RIMS2: variants seen among roughly 807,000 people sequenced by gnomAD.
The protein encoded by RIMS2 is regulating synaptic membrane exocytosis 2.
A neutral mutation model predicts 174.4 loss-of-function variants in RIMS2; 59 were observed. The observed-to-expected ratio is 0.34, with a 90% confidence interval of 0.27 to 0.42. The LOEUF (loss-of-function observed/expected upper bound fraction) is 0.42. Among genes scored for constraint, RIMS2 ranks in the 10% least tolerant of loss-of-function variants. The pLI is 1.00. For missense variants in RIMS2, 1,620 were observed against 1,666.3 expected (o/e 0.97, Z 0.48); for synonymous variants, 606 against 572.5 (o/e 1.06, Z -0.84).
chr8:104,003,190 T>C (rs1018657102), intron 17 of RIMS2, among the ~76,000 whole-genome samples: 3 of 152,168 alleles, frequency 2.0e-5, no homozygotes, highest in African/African-American at 7.2e-5. Flanking sequence ...TTATGTAAAG[T>C]ATCATGGAAG....
chr8:103,793,335 G>C (rs2098518657), intron 3 of RIMS2, among the ~76,000 whole-genome samples: 1 of 152,072 alleles, frequency 6.6e-6, no homozygotes, highest in Admixed American at 6.5e-5. Flanking sequence ...AAAACCACAT[G>C]ATTATCTCAA....
At position 103,792,855 on chromosome 8, in the gene RIMS2, A is replaced by G. The variant is rs146773308; in HGVS notation, c.698+26318A>G. Among the ~76,000 whole-genome samples the G allele has an allele frequency of 1.2e-3, 177 of 152,320 alleles. 1 individual carries two copies. Among genetic ancestry groups the G allele is most frequent in the Non-Finnish European group, 6.2e-4 (42 of 68,034 alleles). On this transcript the variant is annotated intron_variant, in intron 3 of 23. Transcript: ENST00000504942. ...GAAAGAAATGGATAAATTCCTGGAC[A>G]CATACACCTTCCGAAGACTAAACCA...
intron 1 of RIMS2, among the ~76,000 whole-genome samples, chr8:103,504,103 C>G (rs1822062438): frequency 6.6e-6 from 1 of 151,954 alleles, no homozygotes; most frequent in South Asian, 2.1e-4. Context: ...TCATGTATTG[C>G]TGTAGCAGTT....
chr8:103,719,744 T>C (rs1463703848), intron 2 of RIMS2, among the ~76,000 whole-genome samples: 1 of 152,168 alleles, frequency 6.6e-6, no homozygotes, highest in Non-Finnish European at 1.5e-5. Context: ...CACTGTATGG[T>C]AAATTATTTT....
chr8:104,027,611 C>T (rs1489488662), intron 19 of RIMS2, among the ~76,000 whole-genome samples: 2 of 151,470 alleles, frequency 1.3e-5, no homozygotes, highest in Non-Finnish European at 2.9e-5. Context: ...GAAACTTTGC[C>T]TCAGGGCCTG....
chr8:103,590,214 T>G (rs944640473), intron 1 of RIMS2, among the ~76,000 whole-genome samples: 6 of 151,386 alleles, frequency 4.0e-5, no homozygotes, highest in Non-Finnish European at 5.9e-5. Context: ...ACACCTACTA[T>G]GTATCCACAA....
At chr8:103,617,553 A>G (rs899364331) in intron 1 of RIMS2, among the ~76,000 whole-genome samples, 3 of 152,210 alleles carry the variant, frequency 2.0e-5, no homozygotes, top group Non-Finnish European at 4.4e-5. Context: ...CAAAGAAACT[A>G]TCAACAGAGT....
At chr8:103,697,353 C>A in intron 2 of RIMS2, 57 bp downstream of exon 4, 1 of 1,274,908 alleles carries the variant, frequency 7.8e-7, no homozygotes, top group Non-Finnish European at 1.1e-6. Context: ...TTTATCTATT[C>A]ACGTTAGAGA....
intron 19 of RIMS2, among the ~76,000 whole-genome samples, 163 bp from the exon 22 acceptor site, chr8:104,041,163 T>C (rs1290496844): frequency 3.3e-5 from 5 of 151,674 alleles, no homozygotes; most frequent in African/African-American, 1.2e-4. Context: ...TACGTATTTT[T>C]TGTGGAATGC....
intron 1 of RIMS2, among the ~76,000 whole-genome samples, chr8:103,607,791 A>G (rs1192819724): frequency 7.4e-6 from 1 of 134,778 alleles, no homozygotes; most frequent in African/African-American, 3.0e-5. Flanking sequence ...AGTTGATCGC[A>G]TCGGCTCCTG....
chr8:103,525,425 C>T (rs993747774), intron 1 of RIMS2, among the ~76,000 whole-genome samples: 35 of 152,168 alleles, frequency 2.3e-4, no homozygotes, highest in African/African-American at 8.2e-4. Flanking sequence ...AATGGATGGC[C>T]TGTTCAATGT....
In RIMS2 at chr8:103,957,766, AG is replaced by A. The variant is rs554614482; in HGVS notation, c.2702-3298del. Among the ~76,000 whole-genome samples the A allele has an allele frequency of 7.0e-3, 1,067 of 152,350 alleles. 3 individuals carry two copies. The highest frequency in any genetic ancestry group is 0.012 in the Non-Finnish European group (834 of 68,034). The stretch of plus-strand genomic sequence containing the variant: ...GAACTTAAAGTGTAATAATAAAAAA[AG>A]AAGACATGCATGCGGCCAACAAGCA... On this transcript the variant is annotated intron_variant, in intron 14 of 23. Coordinates refer to ENST00000504942, the Ensembl canonical transcript of RIMS2.
At chr8:103,797,228 T>A (rs1564674958) in intron 3 of RIMS2, among the ~76,000 whole-genome samples, 1 of 152,176 alleles carries the variant, frequency 6.6e-6, no homozygotes, top group Non-Finnish European at 1.5e-5. Flanking sequence ...GAGCCCTTCC[T>A]GTATGTTTTT....
At chr8:103,946,376 C>A (rs1256046424) in intron 14 of RIMS2, among the ~76,000 whole-genome samples, 1 of 152,120 alleles carries the variant, frequency 6.6e-6, no homozygotes, top group African/African-American at 2.4e-5. Flanking sequence ...CCTGTAATCA[C>A]AGCTACTCAG....
chr8:104,154,679 G>C (rs972761351), intron 19 of RIMS2, among the ~76,000 whole-genome samples: 2 of 152,182 alleles, frequency 1.3e-5, no homozygotes, highest in Admixed American at 1.3e-4. Context: ...AACTTAAGTG[G>C]AGATCATTGG....
At chr8:103,746,426 A>C (rs987386012) in intron 2 of RIMS2, among the ~76,000 whole-genome samples, 3 of 152,110 alleles carry the variant, frequency 2.0e-5, no homozygotes, top group Non-Finnish European at 4.4e-5. Context: ...GTATATTTTA[A>C]AGACTAGCTG....
At chr8:104,178,730 T>A (rs182399441) in intron 19 of RIMS2, among the ~76,000 whole-genome samples, 4 of 152,272 alleles carry the variant, frequency 2.6e-5, no homozygotes, top group Admixed American at 2.6e-4. Flanking sequence ...TACTACATGC[T>A]TTAGTGAGTT....
intron 19 of RIMS2, among the ~76,000 whole-genome samples, chr8:104,231,704 T>A (rs2099230244): frequency 6.6e-6 from 1 of 152,252 alleles, no homozygotes; most frequent in African/African-American, 2.4e-5. Flanking sequence ...CCTATCTTGA[T>A]GAATATCGTG....
At chr8:103,893,728 T>G (rs2099261135) in intron 4 of RIMS2, among the ~76,000 whole-genome samples, 1 of 152,036 alleles carries the variant, frequency 6.6e-6, no homozygotes, top group African/African-American at 2.4e-5. Flanking sequence ...AACCCAGTCA[T>G]TTATGTATTG....
Sources: gnomAD v4.1 joint callset for allele counts (sites outside exome capture counted in the v4.1 genomes callset) on GRCh38, gnomAD v4.1.1 for gene constraint, MANE v1.5 for transcripts, NCBI Gene and HGNC (gene_info 2026-07-23, HGNC 2026-07-21) for gene names.